The following LIG1 variants were observed in gnomAD, a reference collection of about 807,000 sequenced individuals.
The protein encoded by LIG1 is ligase I, DNA, ATP-dependent.
Under a neutral mutation model 115.7 loss-of-function variants are expected in LIG1, and 70 were observed. The observed-to-expected ratio is 0.60, with a 90% CI of 0.50 to 0.74. The LOEUF (loss-of-function observed/expected upper bound fraction) is 0.74, where lower values mean the gene tolerates loss of function less well. Ranked by LOEUF, LIG1 falls within the 30% of genes least tolerant of loss-of-function variation. LIG1 has a pLI of 0.00. For missense variants in LIG1, 1,115 were observed against 1,225.6 expected, an observed-to-expected ratio of 0.91 and a Z score of 1.35; for synonymous variants, 487 against 495.3, an observed-to-expected ratio of 0.98 and a Z score of 0.22.
At chr19:48,155,311 G>A (rs920132653) in intron 5 of LIG1, among the ~76,000 whole-genome samples, 3 of 152,030 alleles carry the variant, frequency 2.0e-5, no homozygotes, top group South Asian at 2.1e-4. Flanking sequence ...CTCTCACCAC[G>A]TGCTATCCTC....
chr19:48,165,875 T>C (rs1053654782), intron 1 of LIG1: 44 of 498,500 alleles, frequency 8.8e-5, no homozygotes, highest in African/African-American at 8.1e-4. Flanking sequence ...TCATCTAATA[T>C]GAGGAATAGA....
chr19:48,128,162 C>A, intron 19 of LIG1, 142 bp from the exon 20 acceptor site: 4 of 712,596 alleles, frequency 5.6e-6, no homozygotes, highest in Non-Finnish European at 7.6e-6. Context: ...AGATGCTTTT[C>A]TTTTATTCCC....
At chr19:48,146,033 G>A (rs2035090707) in intron 9 of LIG1, 1 of 152,286 alleles carries the variant, frequency 6.6e-6, no homozygotes, top group South Asian at 2.1e-4. Context: ...TTGCGTCAGG[G>A]AAAGCCCGTT....
intron 18 of LIG1, among the ~76,000 whole-genome samples, chr19:48,132,297 A>G (rs906045450): frequency 6.6e-6 from 1 of 152,140 alleles, no homozygotes; most frequent in African/African-American, 2.4e-5. Context: ...CCCAGGACCA[A>G]GGACGCCTGA....
In LIG1 at chr19:48,151,231, C is replaced by G. The variant is rs372508059; in HGVS notation, c.574+1G>C. The stretch of plus-strand genomic sequence containing the variant: ...GGCGGAGGAGAGGACCAGAAACTCA[C>G]TGGAGGTCTTTAGGGGCTTGGGAGG... On this transcript the variant is annotated splice_donor_variant, in intron 7 of 27. Transcript: ENST00000263274. LOFTEE classifies it high-confidence loss of function. 1.1e-5 allele frequency: 17 copies of G among 1,606,660 alleles called. No homozygotes were observed. Among genetic ancestry groups the G allele is most frequent in the Non-Finnish European group, 1.3e-5 (15 of 1,173,216 alleles).
chr19:48,157,002 G>T lies in LIG1; in HGVS notation c.370+12C>A. 6.6e-7 allele frequency: 1 copy of T among 1,509,420 alleles called. No homozygotes were observed. Among genetic ancestry groups the T allele is most frequent in the Non-Finnish European group, 9.1e-7 (1 of 1,096,662 alleles). The allele number at this position is 1,509,420 out of a possible 1,614,324, so 93.5% of individuals were successfully genotyped here. On this transcript the variant is annotated intron_variant, in intron 5 of 27. Coordinates refer to ENST00000263274, the MANE Select transcript of LIG1 (RefSeq NM_000234.3). ...CAGGCGACTGAAGGGGCAGGGGCCC[G>T]TGTGTTCTCACCTGTGCGACGCTTC...
intron 16 of LIG1, among the ~76,000 whole-genome samples, 176 bp downstream of exon 16, chr19:48,135,504 G>A (rs931179546): frequency 6.6e-6 from 1 of 152,082 alleles, no homozygotes; most frequent in South Asian, 2.1e-4. Context: ...CACCATCCTT[G>A]TGTCAAGCAC....
Position 48,123,329 on chromosome 19 carries a change from G to C in LIG1, c.2005-11C>G. 6.2e-7 allele frequency: 1 copy of C among 1,612,186 alleles called. No homozygotes were observed. The highest frequency in any genetic ancestry group is 8.5e-7 in the Non-Finnish European group (1 of 1,179,966). On this transcript the variant is annotated splice_polypyrimidine_tract_variant and intron_variant, in intron 21 of 27. Coordinates refer to ENST00000263274, the MANE Select transcript of LIG1 (RefSeq NM_000234.3). ...CTCACGTACCAGGGACTGCAGGGCC[G>C]GCAGGGAGAAGAGAGATGAGACATC...
At chr19:48,125,254 G>T (rs920617515) in intron 21 of LIG1, among the ~76,000 whole-genome samples, 2 of 152,158 alleles carry the variant, frequency 1.3e-5, no homozygotes, top group African/African-American at 4.8e-5. Flanking sequence ...CAGCTGAGCA[G>T]GGATGATCAA....
chr19:48,141,638 C>G (rs2034764532), intron 11 of LIG1, among the ~76,000 whole-genome samples: 1 of 152,190 alleles, frequency 6.6e-6, no homozygotes, highest in African/African-American at 2.4e-5. Flanking sequence ...TGCACCACCT[C>G]TAAAACGAAA....
intron 4 of LIG1, among the ~76,000 whole-genome samples, chr19:48,157,774 T>C (rs765869821): frequency 2.8e-4 from 43 of 152,186 alleles, no homozygotes; most frequent in Non-Finnish European, 6.0e-4. Context: ...CTCGAACTCC[T>C]GAGCTCAAGC....
At chr19:48,132,472 C>A (rs777679598) in intron 18 of LIG1, among the ~76,000 whole-genome samples, 1 of 151,940 alleles carries the variant, frequency 6.6e-6, no homozygotes, top group Non-Finnish European at 1.5e-5. Flanking sequence ...ATTGTAGCTT[C>A]GGATAAGCTG....
intron 26 of LIG1, 92 bp downstream of exon 26, chr19:48,117,546 C>A: frequency 7.6e-7 from 1 of 1,315,410 alleles, no homozygotes; most frequent in South Asian, 1.3e-5. Flanking sequence ...CCTGGAAGAG[C>A]AGATGTGAGC....
rs184771741 is a variant in LIG1 at position 48,118,431 on chromosome 19, T to C, written c.2440-650A>G. The C allele has an allele frequency of 5.1e-3, 805 of 158,898 alleles. 3 individuals are homozygous for C. The highest frequency in any genetic ancestry group is 9.1e-3 in the Non-Finnish European group (657 of 72,132). 9.8% of individuals were successfully genotyped at this position (158,898 alleles called of 1,614,324 possible). ...GCACACGCTCTCTTGCCTGGCGCCATGTAAGATGTGCCTTTGCTCCTCTTT... is the reference window on the plus strand; with the variant it reads ...GCACACGCTCTCTTGCCTGGCGCCACGTAAGATGTGCCTTTGCTCCTCTTT... On this transcript the variant is annotated intron_variant, in intron 25 of 27. Transcript: ENST00000263274.
rs751361484 is a variant in LIG1 at position 48,127,968 on chromosome 19, C to G, written c.1874G>C (p.Trp625Ser). The G allele has an allele frequency of 1.2e-6, 2 of 1,614,038 alleles. No individual in the cohort carries two copies. Among genetic ancestry groups the G allele is most frequent in the African/African-American group, 2.7e-5 (2 of 74,902 alleles). ...SFILDTEAVA[W>S]DREKKQIQPF... ...CTGGATCTGCTTCTTTTCCCGGTCC[C>G]AAGCCACGGCTTCGGTGTCCAGGAT... is the stretch of plus-strand genomic sequence containing the variant. Residue 625 changes from tryptophan (W) to serine (S), a missense_variant, in exon 20 of 28, where the codon TGG becomes TCG. Transcript: ENST00000263274.
In LIG1 at chr19:48,136,084, G is replaced by A. The variant is rs1243913943; in HGVS notation, c.1373C>T (p.Ser458Leu). The change falls in exon 15 of 28, where the codon TCG becomes TTG. Residue 458 changes from serine to leucine, a missense_variant. Ser to Leu is a moderately radical substitution (Grantham distance 145, BLOSUM62 -2). Transcript: ENST00000263274. ...GRLRLGLAEQ[S>L]VLAALSQAVS... ...TGCCTGGGAGAGGGCAGCCAGCACC[G>A]ACTGCTCTGCCAGCCCAAGGCGCAG... 12 of 1,573,934 alleles carry A rather than the reference G, an allele frequency of 7.6e-6. No individual in the cohort carries two copies. The highest frequency in any genetic ancestry group is 2.3e-5 in the East Asian group (1 of 42,684).
chr19:48,135,836 G>A (rs2034345317), intron 15 of LIG1, 57 bp from the exon 16 acceptor site: 1 of 1,455,366 alleles, frequency 6.9e-7, no homozygotes, highest in Non-Finnish European at 9.6e-7. Context: ...GCTACACCAG[G>A]GTGCAGTGGG....
chr19:48,137,392 A>C lies in LIG1; in HGVS notation c.1254+130T>G, dbSNP rs906275865. On this transcript the variant is annotated intron_variant, in intron 13 of 27. Transcript: ENST00000263274. The surrounding 1 kb of genome is among the most constrained non-coding windows in gnomAD (Gnocchi z 4.3). ...GATTGGGTGCAGGAAGGAGGAGAGG[A>C]AGCTGTGCACCCCATGAGAAGGACT... 3 of 1,184,464 alleles carry C rather than the reference A, an allele frequency of 2.5e-6. No individual in the cohort carries two copies. In the Admixed American group the frequency reaches 6.0e-5, roughly 24 times the overall value. 73.4% of individuals were successfully genotyped at this position (1,184,464 alleles called of 1,614,324 possible).
In LIG1 at chr19:48,137,497, G is replaced by C; in HGVS notation, c.1254+25C>G. On this transcript the variant is annotated intron_variant, in intron 13 of 27. Transcript: ENST00000263274. The surrounding 1 kb of genome is among the most constrained non-coding windows in gnomAD (Gnocchi z 4.3). Reference sequence around the variant, plus strand: ...CAGGTCCCCAAGATGTCTGGGGTCCGGGATGAGCGGCCCGCCCCACTCACA... The same window carrying C: ...CAGGTCCCCAAGATGTCTGGGGTCCCGGATGAGCGGCCCGCCCCACTCACA... 1 of 1,609,096 alleles carries C rather than the reference G, an allele frequency of 6.2e-7. No individual in the cohort carries two copies. The highest frequency in any genetic ancestry group is 2.2e-5 in the East Asian group (1 of 44,868).
Sources: allele counts gnomAD v4.1 joint callset (sites outside exome capture counted in the v4.1 genomes callset), GRCh38; gene constraint gnomAD v4.1.1; non-coding constraint Gnocchi (gnomAD v3.1); transcripts MANE v1.5; gene names NCBI Gene and HGNC (gene_info 2026-07-23, HGNC 2026-07-21).